SMAD3: variants seen among roughly 807,000 people sequenced by gnomAD.
The protein encoded by SMAD3 is MAD homolog 3.
SMAD3 carries 12 observed loss-of-function variants against 51.8 expected under a neutral mutation model. The ratio of observed to expected loss-of-function variants is 0.23; its 90% confidence interval spans 0.15 to 0.38. The LOEUF is 0.38. Among genes scored for constraint, SMAD3 ranks in the 10% least tolerant of loss-of-function variants. The pLI is 1.00. For missense variants in SMAD3, 294 were observed against 565.6 expected, an observed-to-expected ratio of 0.52 and a Z score of 4.87; for synonymous variants, 238 against 227.7, an observed-to-expected ratio of 1.05 and a Z score of -0.41.
At chr15:67,088,367 GA>G (rs1320647868) in intron 1 of SMAD3, among the ~76,000 whole-genome samples, 1 of 152,226 alleles carries the variant, frequency 6.6e-6, no homozygotes, top group Admixed American at 6.5e-5. Flanking sequence ...GCCCACTATA[GA>G]AACACTGGGA....
intron 1 of SMAD3, among the ~76,000 whole-genome samples, chr15:67,161,046 G>T (rs1212944029): frequency 2.6e-5 from 4 of 152,018 alleles, no homozygotes; most frequent in Admixed American, 1.3e-4. Flanking sequence ...AAGTCACAAA[G>T]ATTTTCTCCT....
rs559253257 is a variant in SMAD3 at position 67,120,466 on chromosome 15, C to T, written c.207-44429C>T. On this transcript the variant is annotated intron_variant, in intron 1 of 8. Coordinates refer to ENST00000327367, the MANE Select transcript of SMAD3 (RefSeq NM_005902.4). The stretch of plus-strand genomic sequence containing the variant: ...TGGAGATGTAAGGCATGGCCTCTGT[C>T]CTGGTGACAGTATCTGAGTGGGAGG... Among the ~76,000 whole-genome samples, 3 of 152,308 alleles carry T rather than the reference C, an allele frequency of 2.0e-5. No individual in the cohort carries two copies. In the South Asian group the frequency reaches 6.2e-4, roughly 32 times the overall value.
At chr15:67,092,296 T>C (rs1960524206) in intron 1 of SMAD3, among the ~76,000 whole-genome samples, 1 of 152,246 alleles carries the variant, frequency 6.6e-6, no homozygotes, top group Non-Finnish European at 1.5e-5. Flanking sequence ...TTTTATATTT[T>C]ATCAGCATTT....
chr15:67,116,467 C>CGGT (rs1566973333), intron 1 of SMAD3, among the ~76,000 whole-genome samples: 1 of 152,164 alleles, frequency 6.6e-6, no homozygotes. Flanking sequence ...ACAGGGATAA[C>CGGT]GGTGGCGCCC....
chr15:67,134,593 C>T (rs2140256482), intron 1 of SMAD3, among the ~76,000 whole-genome samples: 1 of 152,314 alleles, frequency 6.6e-6, no homozygotes, highest in Admixed American at 6.5e-5. Context: ...CTCCAGCTCC[C>T]TTTCCTTGGC....
chr15:67,181,955 T>C (rs1473737952), intron 6 of SMAD3, among the ~76,000 whole-genome samples: 1 of 152,080 alleles, frequency 6.6e-6, no homozygotes, highest in Admixed American at 6.5e-5. Flanking sequence ...CCCAGCTAAT[T>C]TTTGTGTTTT....
chr15:67,147,698 T>C (rs2140273183), intron 1 of SMAD3, among the ~76,000 whole-genome samples: 1 of 152,352 alleles, frequency 6.6e-6, no homozygotes, highest in Middle Eastern at 3.4e-3. Context: ...GATGTGAGCA[T>C]GTCTGGAACC....
At position 67,150,817 on chromosome 15, in the gene SMAD3, TTTA is replaced by T. The variant is rs1359885532; in HGVS notation, c.207-14074_207-14072del. 1.6e-3 allele frequency among the ~76,000 whole-genome samples: 214 copies of T among 131,794 alleles called. 9 individuals are homozygous for T. Among genetic ancestry groups the T allele is most frequent in the African/African-American group, 5.5e-3 (200 of 36,216 alleles). 86.5% of individuals were successfully genotyped at this position (131,794 alleles called of 152,430 possible). A position where few individuals can be genotyped will look rare whatever the true frequency, so the allele number is the denominator to read the frequency against. On this transcript the variant is annotated intron_variant, in intron 1 of 8. Coordinates refer to ENST00000327367, the MANE Select transcript of SMAD3 (RefSeq NM_005902.4). ...GTCCTGCTTTTTTTTTTTTTTTTTT[TTTA>T]TTAAGAGAGCAAAGCTATTTCTCAG...
intron 1 of SMAD3, among the ~76,000 whole-genome samples, chr15:67,122,431 G>C (rs966678057): frequency 6.6e-6 from 1 of 152,134 alleles, no homozygotes; most frequent in Non-Finnish European, 1.5e-5. Flanking sequence ...CTTTCCGTAC[G>C]GTAATCCTTT....
chr15:67,100,925 G>GT (rs1337466418), intron 1 of SMAD3, among the ~76,000 whole-genome samples: 2 of 152,194 alleles, frequency 1.3e-5, no homozygotes, highest in Admixed American at 6.5e-5. Flanking sequence ...GGAAAAGGGG[G>GT]TTTTGGCTCC....
intron 1 of SMAD3, among the ~76,000 whole-genome samples, chr15:67,087,434 G>A (rs778703020): frequency 5.5e-4 from 83 of 152,192 alleles, no homozygotes; most frequent in Non-Finnish European, 5.7e-4. Context: ...TTTTCTCTTT[G>A]GACCCTAAGA....
At chr15:67,132,705 A>T (rs1249454707) in intron 1 of SMAD3, among the ~76,000 whole-genome samples, 1 of 152,214 alleles carries the variant, frequency 6.6e-6, no homozygotes, top group Admixed American at 6.5e-5. Flanking sequence ...CCCTCCCAGA[A>T]CTGTTGCATG....
chr15:67,066,455 G>A, intron 1 of SMAD3, 95 bp downstream of exon 1: 1 of 1,006,782 alleles, frequency 9.9e-7, no homozygotes, highest in Non-Finnish European at 1.5e-6. Flanking sequence ...GGAAGAGGGA[G>A]AGAGAGGGAG....
intron 1 of SMAD3, among the ~76,000 whole-genome samples, chr15:67,079,824 T>C (rs1350011135): frequency 6.6e-6 from 1 of 152,186 alleles, no homozygotes. Context: ...GCCATTGTTG[T>C]CCTCATACAA....
At chr15:67,121,343 G>A (rs781035649) in intron 1 of SMAD3, among the ~76,000 whole-genome samples, 28 of 152,144 alleles carry the variant, frequency 1.8e-4, no homozygotes, top group Non-Finnish European at 2.9e-4. Flanking sequence ...ACTGCCAGCC[G>A]GCCTTGTGGG....
chr15:67,189,366 C>T (rs1000231117), intron 8 of SMAD3, among the ~76,000 whole-genome samples: 1 of 152,216 alleles, frequency 6.6e-6, no homozygotes, highest in African/African-American at 2.4e-5. Flanking sequence ...TTCAAGACAG[C>T]AACACTGTTC....
intron 1 of SMAD3, among the ~76,000 whole-genome samples, chr15:67,152,133 C>T (rs1036311842): frequency 6.6e-5 from 10 of 152,200 alleles, no homozygotes; most frequent in African/African-American, 2.4e-4. Context: ...TTCTCCCCAT[C>T]CCTCTGTTCC....
intron 1 of SMAD3, among the ~76,000 whole-genome samples, chr15:67,076,572 C>T (rs191211334): frequency 2.2e-4 from 33 of 152,266 alleles, no homozygotes; most frequent in African/African-American, 7.7e-4. Context: ...ATGACCCAGA[C>T]GTGGTGGCTA....
chr15:67,145,736 C>T lies in SMAD3; in HGVS notation c.207-19159C>T, dbSNP rs1294761582. On this transcript the variant is annotated intron_variant, in intron 1 of 8. Coordinates refer to ENST00000327367, the MANE Select transcript of SMAD3 (RefSeq NM_005902.4). Reference sequence around the variant, plus strand: ...TTATACCAATGAGGAAATGGGCCCCCGGAGATGAGGCACTTGACCTGAGGT... The same window carrying T: ...TTATACCAATGAGGAAATGGGCCCCTGGAGATGAGGCACTTGACCTGAGGT... Among the ~76,000 whole-genome samples the T allele has an allele frequency of 3.3e-5, 5 of 152,250 alleles. No individual in the cohort carries two copies. In the East Asian group the frequency reaches 9.6e-4, roughly 29 times the overall value.
Sources: allele counts gnomAD v4.1 joint callset (sites outside exome capture counted in the v4.1 genomes callset), GRCh38; gene constraint gnomAD v4.1.1; transcripts MANE v1.5; gene names NCBI Gene and HGNC (gene_info 2026-07-23, HGNC 2026-07-21).